APLP1: variants seen among roughly 807,000 people sequenced by gnomAD.
The protein encoded by APLP1 is amyloid beta (A4) precursor-like protein 1.
In APLP1, 46 loss-of-function variants were observed where a neutral mutation model predicts 84.5. The observed-to-expected ratio is 0.54, with a 90% confidence interval of 0.43 to 0.70. The LOEUF (loss-of-function observed/expected upper bound fraction) is 0.70, where lower values mean the gene tolerates loss of function less well. Ranked by LOEUF, APLP1 falls within the 30% of genes least tolerant of loss-of-function variation. The probability of loss-of-function intolerance (pLI) is 0.00; values close to 1 mark genes in which losing one functional copy is unlikely to be tolerated. For synonymous variants in APLP1, 376 were observed against 364.0 expected (o/e 1.03, Z -0.38); for missense variants, 826 against 900.2 (o/e 0.92, Z 1.05).
At chr19:35,875,160 CTTT>C (rs71167572) in intron 10 of APLP1, among the ~76,000 whole-genome samples, 3 of 115,772 alleles carry the variant, frequency 2.6e-5, no homozygotes, top group Admixed American at 9.2e-5. Flanking sequence ...CCAGAATCGT[CTTT>C]TTTTTTTTTT....
chr19:35,878,196 AGACCCCCTGGGGTAGAGTTT>A, intron 13 of APLP1, 88 bp downstream of exon 13: 1 of 1,409,478 alleles, frequency 7.1e-7, no homozygotes, highest in Non-Finnish European at 9.8e-7. Context: ...TGGGAACCTC[AGACCCCCTGGGGTAGAGTTT>A]GATGTACTTT....
chr19:35,878,751 G>T (rs1974338804), intron 14 of APLP1, 97 bp downstream of exon 14: 3 of 1,545,688 alleles, frequency 1.9e-6, no homozygotes, highest in Non-Finnish European at 1.8e-6. Flanking sequence ...TGGATTCCTT[G>T]TCCTGAGGGA....
chr19:35,875,966 G>C (rs1303120146), intron 10 of APLP1, among the ~76,000 whole-genome samples: 2 of 150,812 alleles, frequency 1.3e-5, no homozygotes, highest in African/African-American at 4.9e-5. Flanking sequence ...GCAGAGACAG[G>C]GTTTTGCCAT....
chr19:35,868,722 T>A lies in APLP1; in HGVS notation c.86T>A (p.Leu29Gln). Residue 29 changes from leucine (L) to glutamine (Q), a missense_variant, in exon 1 of 17, where the codon CTG becomes CAG. Leu to Gln is a moderately radical substitution (Grantham distance 113). This residue lies in a region of APLP1 where 383 missense variants were observed against 378.3 expected (regional missense o/e 1.01). Transcript: ENST00000221891. This position sits in a 1 kb window ranked among gnomAD's most constrained non-coding sequence, Gnocchi z 5.2. ...CCGCTGCTGCTGCCACTATTGCTGC[T>A]GCTTCTGCGCGCGCAGCCCGCCATC... ...PLPLLLPLLLLLLRAQPAIGS... is the reference protein window; with the variant it reads ...PLPLLLPLLLQLLRAQPAIGS... 3 of 1,402,862 alleles carry A rather than the reference T, an allele frequency of 2.1e-6. No individual in the cohort carries two copies. Among genetic ancestry groups the A allele is most frequent in the Non-Finnish European group, 2.8e-6 (3 of 1,082,582 alleles). The allele number at this position is 1,402,862 out of a possible 1,614,324, so 86.9% of individuals were successfully genotyped here. A position where few individuals can be genotyped will look rare whatever the true frequency, so the allele number is the denominator to read the frequency against.
intron 7 of APLP1, 61 bp downstream of exon 7, chr19:35,872,674 T>G: frequency 6.5e-7 from 1 of 1,544,894 alleles, no homozygotes; most frequent in Non-Finnish European, 8.7e-7. Context: ...TACCAGGAAA[T>G]TCCTCCAGGA....
At chr19:35,872,779 A>G (rs887310102) in intron 7 of APLP1, among the ~76,000 whole-genome samples, 166 bp downstream of exon 7, 2 of 151,800 alleles carry the variant, frequency 1.3e-5, no homozygotes, top group Non-Finnish European at 2.9e-5. Context: ...TGGCCCTTCT[A>G]GAATCCCACT....
In APLP1 at chr19:35,871,230, T is replaced by TA; in HGVS notation, c.425-7_425-6insA. The TA allele has an allele frequency of 1.9e-6, 3 of 1,612,286 alleles. No individual in the cohort carries two copies. The highest frequency in any genetic ancestry group is 1.7e-6 in the Non-Finnish European group (2 of 1,179,080). On this transcript the variant is annotated splice_region_variant and splice_polypyrimidine_tract_variant and intron_variant, in intron 3 of 16. Transcript: ENST00000221891. ...GGATCTCACCCTGGTGTCCCGTGCT[T>TA]CCCCAGCTGGTGAATTTGTGAGTGA...
chr19:35,879,445 G>A lies in APLP1; in HGVS notation c.*4G>A. 1 of 1,612,564 alleles carries A rather than the reference G, an allele frequency of 6.2e-7. No individual in the cohort carries two copies. The highest frequency in any genetic ancestry group is 8.5e-7 in the Non-Finnish European group (1 of 1,179,806). ...CTTCCTGGAGGAACGACCCTGACCC[G>A]GCCCCCTTCACCCCTTCAGCCGAGC... is the stretch of plus-strand genomic sequence containing the variant. On this transcript the variant is annotated 3_prime_UTR_variant, in exon 17 of 17. Transcript: ENST00000221891.
rs368168886 is a variant in APLP1, at chr19:35,871,361, G to A, written c.537+12G>A. The A allele has an allele frequency of 6.3e-7, 1 of 1,595,232 alleles. No individual in the cohort carries two copies. Among genetic ancestry groups the A allele is most frequent in the Non-Finnish European group, 8.5e-7 (1 of 1,170,428 alleles). The stretch of plus-strand genomic sequence containing the variant: ...AGGAGGCACAGGAGGTCAGGACGTT[G>A]GCCCACCCGTCCCCAGCCCCCACAA... On this transcript the variant is annotated intron_variant, in intron 4 of 16. Coordinates refer to ENST00000221891, the MANE Select transcript of APLP1 (RefSeq NM_001024807.3).
intron 7 of APLP1, 66 bp downstream of exon 7, chr19:35,872,679 C>T (rs1974186469): frequency 2.0e-6 from 3 of 1,534,250 alleles, no homozygotes; most frequent in African/African-American, 1.4e-5. Context: ...GGAAATTCCT[C>T]CAGGACACAT....
chr19:35,872,388 GGTCTCCA>G, intron 6 of APLP1, 88 bp from the exon 7 acceptor site: 1 of 1,499,934 alleles, frequency 6.7e-7, no homozygotes, highest in South Asian at 1.3e-5. Context: ...GGTGCATGAT[GGTCTCCA>G]GTGCACTCTA....
intron 11 of APLP1, 101 bp downstream of exon 11, chr19:35,876,717 A>C: frequency 1.1e-6 from 1 of 906,774 alleles, no homozygotes; most frequent in Non-Finnish European, 1.7e-6. Flanking sequence ...TCTATAACAA[A>C]CAGCCCAGAC....
At chr19:35,878,839 G>T (rs1448989541) in intron 14 of APLP1, 51 bp from the exon 15 acceptor site, 4 of 1,603,546 alleles carry the variant, frequency 2.5e-6, no homozygotes, top group Non-Finnish European at 3.4e-6. Flanking sequence ...CCTTGGGTAG[G>T]AAGAAGCCAG....
rs1179642623 is a variant in APLP1, at chr19:35,879,567, G to A, written c.*126G>A. The A allele has an allele frequency of 4.0e-6, 3 of 750,698 alleles. No individual in the cohort carries two copies. In the Admixed American group the frequency reaches 9.3e-5, roughly 23 times the overall value. The allele number at this position is 750,698 out of a possible 1,614,324, so 46.5% of individuals were successfully genotyped here. A position where few individuals can be genotyped will look rare whatever the true frequency, so the allele number is the denominator to read the frequency against. ...ATCATTTCACACCCTTTTGTGAGAC[G>A]GCTGGAAATTCTTATTTCCCCTTTC... On this transcript the variant is annotated 3_prime_UTR_variant, in exon 17 of 17. Coordinates refer to ENST00000221891, the MANE Select transcript of APLP1 (RefSeq NM_001024807.3).
Position 35,872,026 on chromosome 19 carries a change from G to T in APLP1, c.840G>T (p.Val280=). 6.2e-7 allele frequency: 1 copy of T among 1,613,696 alleles called. No homozygotes were observed. The highest frequency in any genetic ancestry group is 8.5e-7 in the Non-Finnish European group (1 of 1,179,770). Residue 280 remains valine, a synonymous_variant, in exon 6 of 17, where the codon GTG becomes GTT. Transcript: ENST00000221891. ...CCCCAAGCTCCCATACACTTGCAGT[G>T]GTCGGCAAAGGTGAGGCAGTCTCTG... ...VPPPSSHTLA[V]VGKVTPTPRP...
chr19:35,871,103 C>T (rs1974134023), intron 3 of APLP1, 75 bp downstream of exon 3: 7 of 1,504,074 alleles, frequency 4.7e-6, no homozygotes, highest in Non-Finnish European at 5.3e-6. Context: ...CTCTCTCAGG[C>T]CTACATTAAG....
chr19:35,879,236 T>A lies in APLP1; in HGVS notation c.1857+19T>A. The A allele has an allele frequency of 6.2e-7, 1 of 1,610,708 alleles. No individual in the cohort carries two copies. Among genetic ancestry groups the A allele is most frequent in the South Asian group, 1.1e-5 (1 of 90,922 alleles). On this transcript the variant is annotated intron_variant, in intron 16 of 16. Transcript: ENST00000221891. ...GGTGGAGGTGAGAACCATGGCGTGG[T>A]GGAGGTGTGGGAAGAGTTCCTGAGC...
At chr19:35,875,188 G>C (rs991353272) in intron 10 of APLP1, among the ~76,000 whole-genome samples, 2 of 141,184 alleles carry the variant, frequency 1.4e-5, no homozygotes, top group Non-Finnish European at 3.0e-5. Context: ...TTTGAGACAG[G>C]TTCTTGCTCT....
In APLP1 at chr19:35,878,577, G is replaced by A. The variant is rs377528043; in HGVS notation, c.1580-7G>A. 12 of 1,613,944 alleles carry A rather than the reference G, an allele frequency of 7.4e-6. No individual in the cohort carries two copies. The highest frequency in any genetic ancestry group is 9.3e-6 in the Non-Finnish European group (11 of 1,179,912). On this transcript the variant is annotated splice_polypyrimidine_tract_variant and splice_region_variant and intron_variant, in intron 13 of 16. Coordinates refer to ENST00000221891, the MANE Select transcript of APLP1 (RefSeq NM_001024807.3). ...AAAAAAAAGAATGAGATCAGACTTG[G>A]GGGTAGGGTCCACAGAACAAGATGC... is the stretch of plus-strand genomic sequence containing the variant.
Sources: gnomAD v4.1 joint callset for allele counts (sites outside exome capture counted in the v4.1 genomes callset) on GRCh38, gnomAD v4.1.1 for gene constraint, gnomAD v4.1.1 regional missense constraint, Gnocchi (gnomAD v3.1) non-coding constraint, MANE v1.5 for transcripts, NCBI Gene and HGNC (gene_info 2026-07-23, HGNC 2026-07-21) for gene names.